VTI1A: variants seen among roughly 807,000 people sequenced by gnomAD.
The protein encoded by VTI1A is vesicle transport through interaction with t-SNAREs homolog 1A.
In VTI1A, 22 loss-of-function variants were observed where a neutral mutation model predicts 34.9. The observed-to-expected ratio is 0.63, with a 90% CI of 0.45 to 0.90. VTI1A has a LOEUF of 0.90. VTI1A is among the 40% of genes least tolerant of loss of function. The probability of loss-of-function intolerance (pLI) is 0.00; values close to 1 mark genes in which losing one functional copy is unlikely to be tolerated. For missense variants in VTI1A, 268 were observed against 275.6 expected, an observed-to-expected ratio of 0.97 and a Z score of 0.20; for synonymous variants, 87 against 97.3, an observed-to-expected ratio of 0.89 and a Z score of 0.62.
the VTI1A span, among the ~76,000 whole-genome samples, chr10:112,833,064 T>A: frequency 6.6e-6 from 1 of 151,444 alleles, no homozygotes. Flanking sequence ...ATCAGAAGAG[T>A]TCACATGTTA....
chr10:112,527,053 C>T (rs1270521038), intron 3 of VTI1A, 34 bp from the exon 4 acceptor site: 6 of 1,605,080 alleles, frequency 3.7e-6, no homozygotes, highest in Non-Finnish European at 5.1e-6. Flanking sequence ...TCTAACGTTC[C>T]TCTCACTCTC....
At chr10:112,754,395 G>T (rs760471413) in intron 7 of VTI1A, among the ~76,000 whole-genome samples, 10 of 152,120 alleles carry the variant, frequency 6.6e-5, no homozygotes, top group Non-Finnish European at 1.5e-4. Context: ...TAGAATCCAG[G>T]AATGTGCCTG....
intron 7 of VTI1A, among the ~76,000 whole-genome samples, chr10:112,744,409 G>T (rs957772487): frequency 1.5e-4 from 23 of 150,882 alleles, no homozygotes. Context: ...TGCCGGAAGT[G>T]ATATGGAACA....
the VTI1A span, among the ~76,000 whole-genome samples, chr10:112,834,181 A>G: frequency 6.6e-6 from 1 of 152,138 alleles, no homozygotes; most frequent in African/African-American, 2.4e-5. Context: ...AGTGAATGGA[A>G]GCCCATCACA....
At chr10:112,777,155 G>C (rs914182050) in intron 7 of VTI1A, among the ~76,000 whole-genome samples, 4 of 152,128 alleles carry the variant, frequency 2.6e-5, no homozygotes, top group African/African-American at 7.2e-5. Flanking sequence ...ATCAAAGTCC[G>C]TGTCAATTCC....
At chr10:112,530,656 G>C (rs2134232157) in intron 4 of VTI1A, among the ~76,000 whole-genome samples, 1 of 152,250 alleles carries the variant, frequency 6.6e-6, no homozygotes, top group East Asian at 1.9e-4. Context: ...TTGTGGCAAA[G>C]CAATATTTAG....
the VTI1A span, among the ~76,000 whole-genome samples, chr10:112,847,117 C>T: frequency 2.0e-5 from 3 of 152,190 alleles, no homozygotes; most frequent in African/African-American, 7.2e-5. Flanking sequence ...CACCAGGATC[C>T]AAAGAATTGA....
chr10:112,487,418 C>T (rs1043431686), intron 3 of VTI1A, among the ~76,000 whole-genome samples: 1 of 152,212 alleles, frequency 6.6e-6, no homozygotes, highest in Non-Finnish European at 1.5e-5. Context: ...GCCACCGTGC[C>T]TGGCCTAATC....
intron 7 of VTI1A, among the ~76,000 whole-genome samples, chr10:112,688,875 G>A (rs931178469): frequency 6.6e-6 from 1 of 152,032 alleles, no homozygotes; most frequent in Non-Finnish European, 1.5e-5. Flanking sequence ...TATAGTTATT[G>A]TCAGTAGTGG....
intron 2 of VTI1A, among the ~76,000 whole-genome samples, chr10:112,462,163 T>C (rs1296741658): frequency 5.9e-5 from 9 of 152,230 alleles, no homozygotes; most frequent in African/African-American, 1.9e-4. Context: ...ACTGCCCTTT[T>C]GATGAGGACC....
chr10:112,761,948 A>G (rs986472852), intron 7 of VTI1A, among the ~76,000 whole-genome samples: 4 of 152,310 alleles, frequency 2.6e-5, no homozygotes, highest in African/African-American at 7.2e-5. Flanking sequence ...AGTCTTTTAC[A>G]GTGAACTGAT....
rs569966561 is a variant in VTI1A at position 112,779,032 on chromosome 10, G to A, written c.561-36258G>A. Among the ~76,000 whole-genome samples, 4 of 152,318 alleles carry A rather than the reference G, an allele frequency of 2.6e-5. No homozygotes were observed. The South Asian group carries it at 8.3e-4, about 32-fold the overall frequency. On this transcript the variant is annotated intron_variant, in intron 7 of 7. Coordinates refer to ENST00000393077, the MANE Select transcript of VTI1A (RefSeq NM_145206.4). ...TGAATACTTTCAAATTCTCAAAGAT[G>A]TTTCTGTTTAGGTGGCTGTGGAAAT...
intron 5 of VTI1A, among the ~76,000 whole-genome samples, chr10:112,597,417 C>T (rs1844696685): frequency 6.6e-6 from 1 of 152,070 alleles, no homozygotes; most frequent in Non-Finnish European, 1.5e-5. Context: ...AGGGTTTCTC[C>T]ATGTTGGTCA....
intron 4 of VTI1A, among the ~76,000 whole-genome samples, chr10:112,535,514 T>C (rs1404065312): frequency 1.3e-5 from 2 of 152,172 alleles, no homozygotes; most frequent in Non-Finnish European, 2.9e-5. Flanking sequence ...CTTGTGTTGC[T>C]CTTTCTGGGC....
intron 5 of VTI1A, among the ~76,000 whole-genome samples, chr10:112,610,884 G>A (rs1002053029): frequency 2.6e-5 from 4 of 151,422 alleles, no homozygotes; most frequent in Non-Finnish European, 4.4e-5. Flanking sequence ...GCGCCACTGC[G>A]CTCCAGCCTG....
Position 112,658,971 on chromosome 10 carries a change from C to G in VTI1A, c.428-9247C>G, listed in dbSNP as rs142994760. ...TGTGGTCCACCCAATAGTGACTTCTCAAACATGTAATTAAAATGCTATACA... is the reference window on the plus strand; with the variant it reads ...TGTGGTCCACCCAATAGTGACTTCTGAAACATGTAATTAAAATGCTATACA... On this transcript the variant is annotated intron_variant, in intron 5 of 7. Coordinates refer to ENST00000393077, the MANE Select transcript of VTI1A (RefSeq NM_145206.4). Among the ~76,000 whole-genome samples the G allele has an allele frequency of 2.3e-3, 344 of 152,324 alleles. 1 individual carries two copies. The highest frequency in any genetic ancestry group is 7.5e-3 in the African/African-American group (312 of 41,564).
rs142527982 is a variant in VTI1A at position 112,569,374 on chromosome 10, A to G, written c.427+31044A>G. Among the ~76,000 whole-genome samples the G allele has an allele frequency of 2.4e-4, 37 of 152,306 alleles. No homozygotes were observed. In the East Asian group the frequency reaches 6.8e-3, roughly 28 times the overall value. On this transcript the variant is annotated intron_variant, in intron 5 of 7. Coordinates refer to ENST00000393077, the MANE Select transcript of VTI1A (RefSeq NM_145206.4). Reference sequence around the variant, plus strand: ...TACTGAGGTCCAGAGAGGTTAAGGAATCAGTCCAATTGAAGGGCAGTATAA... The same window carrying G: ...TACTGAGGTCCAGAGAGGTTAAGGAGTCAGTCCAATTGAAGGGCAGTATAA...
rs186097762 is a variant in VTI1A, at chr10:112,571,999, G to T, written c.427+33669G>T. On this transcript the variant is annotated intron_variant, in intron 5 of 7. Coordinates refer to ENST00000393077, the MANE Select transcript of VTI1A (RefSeq NM_145206.4). ...GACAACTAGAAGGGGGAGAGAGGAGGGGCACAAAGGCTGAAAAATTATTGT... is the reference window on the plus strand; with the variant it reads ...GACAACTAGAAGGGGGAGAGAGGAGTGGCACAAAGGCTGAAAAATTATTGT... Among the ~76,000 whole-genome samples the T allele has an allele frequency of 4.6e-5, 7 of 152,180 alleles. No homozygotes were observed. In the East Asian group the frequency reaches 1.2e-3, roughly 25 times the overall value.
rs755964318 is a variant in VTI1A at position 112,538,275 on chromosome 10, G to T, written c.372G>T (p.Arg124Ser). Residue 124 changes from arginine (R) to serine (S), a missense_variant, in exon 5 of 8, where the codon AGG becomes AGT. Coordinates refer to ENST00000393077, the MANE Select transcript of VTI1A (RefSeq NM_145206.4). ...QRAHLLDNTE[R>S]LERSSRRLEA... ...CACATCTGCTCGATAACACAGAGAG[G>T]CTGGAAAGGTCATCTCGGAGACTAG... 1.2e-6 allele frequency: 2 copies of T among 1,613,620 alleles called. No individual in the cohort carries two copies. The highest frequency in any genetic ancestry group is 1.7e-5 in the Admixed American group (1 of 59,964).
Sources: allele counts gnomAD v4.1 joint callset (sites outside exome capture counted in the v4.1 genomes callset), GRCh38; gene constraint gnomAD v4.1.1; transcripts MANE v1.5; gene names NCBI Gene and HGNC (gene_info 2026-07-23, HGNC 2026-07-21).